Variants in GRID2IP observed in about 807,000 individuals in gnomAD.
GRID2IP encodes the protein Grid2 interacting protein.
In GRID2IP, 78 loss-of-function variants were observed where a neutral mutation model predicts 114.3. That is an observed-to-expected ratio of 0.68 (90% CI 0.57 to 0.82). The LOEUF (loss-of-function observed/expected upper bound fraction) is 0.82, where lower values mean the gene tolerates loss of function less well. Ranked by LOEUF, GRID2IP falls within the 40% of genes least tolerant of loss-of-function variation. The probability of loss-of-function intolerance (pLI) is 0.00; values close to 1 mark genes in which losing one functional copy is unlikely to be tolerated. For missense variants in GRID2IP, 1,727 were observed against 1,678.5 expected (o/e 1.03, Z -0.51); for synonymous variants, 809 against 724.0 (o/e 1.12, Z -1.89).
intron 2 of GRID2IP, among the ~76,000 whole-genome samples, chr7:6,538,256 C>T (rs1779759300): frequency 6.6e-6 from 1 of 152,314 alleles, no homozygotes; most frequent in South Asian, 2.1e-4. Context: ...GTCCCAGCTA[C>T]TCAGGAGGCT....
At chr7:6,531,434 C>T (rs373571657) in intron 2 of GRID2IP, among the ~76,000 whole-genome samples, 1 of 152,254 alleles carries the variant, frequency 6.6e-6, no homozygotes, top group East Asian at 1.9e-4. Context: ...AGCTACTGCG[C>T]CCCGGACCCC....
chr7:6,516,376 A>C lies in GRID2IP; in HGVS notation c.1269-1847T>G, dbSNP rs185008083. ...GCATTACTGTTTATTCCAATATTATAATAATCTTTGTCCTACAATTATAAC... is the reference window on the plus strand; with the variant it reads ...GCATTACTGTTTATTCCAATATTATCATAATCTTTGTCCTACAATTATAAC... On this transcript the variant is annotated intron_variant, in intron 7 of 21. Transcript: ENST00000457091. The surrounding 1 kb of genome is among the most constrained non-coding windows in gnomAD (Gnocchi z 4.3). Among the ~76,000 whole-genome samples the C allele has an allele frequency of 6.6e-6, 1 of 152,210 alleles. No individual in the cohort carries two copies. The highest frequency in any genetic ancestry group is 2.4e-5 in the African/African-American group (1 of 41,454).
chr7:6,545,154 CCCAGCTA>C (rs1779868693), intron 1 of GRID2IP, among the ~76,000 whole-genome samples: 1 of 151,970 alleles, frequency 6.6e-6, no homozygotes, highest in Admixed American at 6.6e-5. Context: ...CGCTTGTATT[CCCAGCTA>C]CCAGATACTT....
rs1786293137 is a variant in GRID2IP at position 6,497,688 on chromosome 7, G to C, written c.*86C>G. 3.0e-6 allele frequency: 3 copies of C among 988,998 alleles called. No homozygotes were observed. Among genetic ancestry groups the C allele is most frequent in the East Asian group, 5.4e-5 (2 of 37,090 alleles). 61.3% of individuals were successfully genotyped at this position (988,998 alleles called of 1,614,324 possible). A position where few individuals can be genotyped will look rare whatever the true frequency, so the allele number is the denominator to read the frequency against. On this transcript the variant is annotated 3_prime_UTR_variant, in exon 22 of 22. Coordinates refer to ENST00000457091, the MANE Select transcript of GRID2IP (RefSeq NM_001145118.2). The stretch of plus-strand genomic sequence containing the variant: ...CGGTGTGCTCAGAGCCCGGGGCACA[G>C]TGGCCCCGGACCTCGGCAGTGTCTG...
intron 8 of GRID2IP, among the ~76,000 whole-genome samples, chr7:6,511,381 T>G (rs892821550): frequency 6.1e-5 from 7 of 113,900 alleles, no homozygotes; most frequent in Admixed American, 1.7e-4. Context: ...ATAGAAGTGT[T>G]TTTTTTTTGA....
rs1023430101 is a variant in GRID2IP, at chr7:6,523,422, T to C, written c.920-1465A>G. On this transcript the variant is annotated intron_variant, in intron 4 of 21. Coordinates refer to ENST00000457091, the MANE Select transcript of GRID2IP (RefSeq NM_001145118.2). The surrounding 1 kb of genome is among the most constrained non-coding windows in gnomAD (Gnocchi z 4.5). ...GGCCAGGAGTCAGGAGATCCCAGTT[T>C]CTGGTCCTTAATTTACCAGAGCCTC... Among the ~76,000 whole-genome samples, 1 of 152,170 alleles carries C rather than the reference T, an allele frequency of 6.6e-6. No homozygotes were observed. Among genetic ancestry groups the C allele is most frequent in the African/African-American group, 2.4e-5 (1 of 41,442 alleles).
At position 6,515,730 on chromosome 7, in the gene GRID2IP, G is replaced by A. The variant is rs149714172; in HGVS notation, c.1269-1201C>T. The stretch of plus-strand genomic sequence containing the variant: ...CTCGGGGAGGCGGAGGTTGCACCGA[G>A]CCAAGATTGCGCCACTACACTCCAT... On this transcript the variant is annotated intron_variant, in intron 7 of 21. Coordinates refer to ENST00000457091, the MANE Select transcript of GRID2IP (RefSeq NM_001145118.2). Among the ~76,000 whole-genome samples the A allele has an allele frequency of 1.5e-3, 223 of 151,748 alleles. 1 individual carries two copies. Among genetic ancestry groups the A allele is most frequent in the African/African-American group, 5.1e-3 (209 of 41,342 alleles).
intron 2 of GRID2IP, among the ~76,000 whole-genome samples, chr7:6,535,780 C>G (rs1779713746): frequency 6.6e-6 from 1 of 152,188 alleles, no homozygotes. Flanking sequence ...GTCCCCTCTA[C>G]TCCCTGTTGG....
rs543071024 is a variant in GRID2IP, at chr7:6,536,044, C to T, written c.584+3674G>A. On this transcript the variant is annotated intron_variant, in intron 2 of 21. Transcript: ENST00000457091. This position sits in a 1 kb window ranked among gnomAD's most constrained non-coding sequence, Gnocchi z 5.3. Reference sequence around the variant, plus strand: ...CACCCAACCCTGGGAATCACAGCTGCGTCTGTGGCTTCTCCATGCCCCCTC... The same window carrying T: ...CACCCAACCCTGGGAATCACAGCTGTGTCTGTGGCTTCTCCATGCCCCCTC... Among the ~76,000 whole-genome samples, 29 of 152,300 alleles carry T rather than the reference C, an allele frequency of 1.9e-4. No individual in the cohort carries two copies. The highest frequency in any genetic ancestry group is 1.7e-3 in the East Asian group (9 of 5,176).
At chr7:6,505,614 C>A (rs931151527) in intron 14 of GRID2IP, among the ~76,000 whole-genome samples, 5 of 152,202 alleles carry the variant, frequency 3.3e-5, no homozygotes, top group African/African-American at 1.2e-4. Context: ...GGCGATCCAC[C>A]CACCTCAGCC....
At chr7:6,501,946 A>G (rs992166811) in intron 19 of GRID2IP, 43 bp downstream of exon 19, 4 of 1,550,746 alleles carry the variant, frequency 2.6e-6, no homozygotes, top group African/African-American at 2.7e-5. Flanking sequence ...CTCCCAGCCC[A>G]GGACAGCATG....
In GRID2IP at chr7:6,503,682, G is replaced by A. The variant is rs956544312; in HGVS notation, c.2716C>T (p.Leu906Phe). Reference sequence around the variant, plus strand: ...GGGCTCAGCTTCAGGTGTGCCAAGAGGATGGCTGCGGGCGGGGCGGGGCGG... The same window carrying A: ...GGGCTCAGCTTCAGGTGTGCCAAGAAGATGGCTGCGGGCGGGGCGGGGCGG... ...SHKKAYNTSI[L>F]LAHLKLSPAE... The change falls in exon 16 of 22, where the codon CTC (leucine) becomes TTC (phenylalanine). Residue 906 changes from leucine to phenylalanine, a missense_variant. Leu to Phe is a conservative substitution (Grantham distance 22). Transcript: ENST00000457091. The A allele has an allele frequency of 2.0e-6, 3 of 1,489,704 alleles. No homozygotes were observed. The highest frequency in any genetic ancestry group is 2.6e-5 in the East Asian group (1 of 38,066). The allele number at this position is 1,489,704 out of a possible 1,614,324, so 92.3% of individuals were successfully genotyped here. A position where few individuals can be genotyped will look rare whatever the true frequency, so the allele number is the denominator to read the frequency against.
chr7:6,510,665 C>T lies in GRID2IP; in HGVS notation c.1597G>A (p.Gly533Ser), dbSNP rs1252010196. Reference sequence around the variant, plus strand: ...GTGCCGTCGCCTGCCTGGCGCTCGCCTGGGATCAGGGGAAGAGGCATCTCA... The same window carrying T: ...GTGCCGTCGCCTGCCTGGCGCTCGCTTGGGATCAGGGGAAGAGGCATCTCA... ...CPEMPLPLIP[G>S]ERQAGDGTSL... Residue 533 changes from glycine to serine, a missense_variant, in exon 10 of 22, where the codon GGC becomes AGC. Transcript: ENST00000457091. 5 of 1,541,348 alleles carry T rather than the reference C, an allele frequency of 3.2e-6. No individual in the cohort carries two copies. Among genetic ancestry groups the T allele is most frequent in the Non-Finnish European group, 4.4e-6 (5 of 1,143,944 alleles).
Position 6,507,861 on chromosome 7 carries a change from C to T in GRID2IP, c.2544+124G>A. ...GACGTTCTTGGGCTGGGCCTCTACTCATCCTCTGCTTGGGGTAGGGAGGAT... is the reference window on the plus strand; with the variant it reads ...GACGTTCTTGGGCTGGGCCTCTACTTATCCTCTGCTTGGGGTAGGGAGGAT... On this transcript the variant is annotated intron_variant, in intron 13 of 21. Transcript: ENST00000457091. This position sits in a 1 kb window ranked among gnomAD's most constrained non-coding sequence, Gnocchi z 5.3. The T allele has an allele frequency of 7.0e-7, 1 of 1,421,232 alleles. No homozygotes were observed. Among genetic ancestry groups the T allele is most frequent in the Non-Finnish European group, 9.3e-7 (1 of 1,072,630 alleles). 88.0% of individuals were successfully genotyped at this position (1,421,232 alleles called of 1,614,324 possible). A position where few individuals can be genotyped will look rare whatever the true frequency, so the allele number is the denominator to read the frequency against.
At chr7:6,539,219 C>T (rs1779776945) in intron 2 of GRID2IP, among the ~76,000 whole-genome samples, 1 of 151,876 alleles carries the variant, frequency 6.6e-6, no homozygotes, top group South Asian at 2.1e-4. Flanking sequence ...GCCCCACCCT[C>T]CTGGGTTCAA....
In GRID2IP at chr7:6,528,318, G is replaced by A. The variant is rs1271345342; in HGVS notation, c.585-1549C>T. ...CCACCAGCAGCCTAACCCCATCTCT[G>A]AGTAATGGCAGCAGTTAACATCCTG... On this transcript the variant is annotated intron_variant, in intron 2 of 21. Transcript: ENST00000457091. This position sits in a 1 kb window ranked among gnomAD's most constrained non-coding sequence, Gnocchi z 6.0. Among the ~76,000 whole-genome samples the A allele has an allele frequency of 6.6e-6, 1 of 152,196 alleles. No individual in the cohort carries two copies. The highest frequency in any genetic ancestry group is 1.5e-5 in the Non-Finnish European group (1 of 68,040).
In GRID2IP at chr7:6,551,108, C is replaced by T; in HGVS notation, c.329G>A (p.Gly110Asp). Residue 110 changes from glycine to aspartate, a missense_variant, in exon 1 of 22, where the codon GGC (glycine) becomes GAC (aspartate). By Grantham distance (94) the Gly-to-Asp change is moderately conservative. Transcript: ENST00000457091. ...TVLRAPRCGR[G>D]LALGRELLRL... ...AAGCAGCTCACGGCCCAGAGCTAGG[C>T]CGCGGCCGCACCGCGGGGCCCGCAA... is the stretch of plus-strand genomic sequence containing the variant. 1 of 1,300,382 alleles carries T rather than the reference C, an allele frequency of 7.7e-7. No homozygotes were observed. The highest frequency in any genetic ancestry group is 9.7e-7 in the Non-Finnish European group (1 of 1,028,572). The allele number at this position is 1,300,382 out of a possible 1,614,324, so 80.6% of individuals were successfully genotyped here.
At chr7:6,531,701 G>C (rs977018894) in intron 2 of GRID2IP, among the ~76,000 whole-genome samples, 1 of 152,258 alleles carries the variant, frequency 6.6e-6, no homozygotes, top group African/African-American at 2.4e-5. Flanking sequence ...TGGATAGGGA[G>C]GCTTTGAATG....
intron 16 of GRID2IP, 43 bp downstream of exon 16, chr7:6,503,448 T>C (rs1486360655): frequency 4.8e-6 from 7 of 1,470,056 alleles, no homozygotes; most frequent in African/African-American, 1.4e-5. Context: ...ACAGCCCCTG[T>C]GGAGCCGGCC....
Sources: allele counts gnomAD v4.1 joint callset (sites outside exome capture counted in the v4.1 genomes callset), GRCh38; gene constraint gnomAD v4.1.1; non-coding constraint Gnocchi (gnomAD v3.1); transcripts MANE v1.5; gene names NCBI Gene and HGNC (gene_info 2026-07-23, HGNC 2026-07-21).